The following MPHOSPH9 variants were observed in gnomAD, a reference collection of about 807,000 sequenced individuals.
MPHOSPH9 encodes the protein M-phase phosphoprotein 9.
A neutral mutation model predicts 145.5 loss-of-function variants in MPHOSPH9; 88 were observed. That is an observed-to-expected ratio of 0.60 (90% CI 0.51 to 0.72). The LOEUF (loss-of-function observed/expected upper bound fraction) is 0.72. Among genes scored for constraint, MPHOSPH9 ranks in the 30% least tolerant of loss-of-function variants. The pLI is 0.00. For missense variants in MPHOSPH9, 1,238 were observed against 1,386.6 expected (o/e 0.89, Z 1.70); for synonymous variants, 435 against 486.2 (o/e 0.89, Z 1.39).
intron 6 of MPHOSPH9, among the ~76,000 whole-genome samples, chr12:123,216,992 AAAAT>A (rs147074304): frequency 0.63 from 94,434 of 149,034 alleles, 34,325 homozygotes; most frequent in East Asian, 0.99. Context: ...CCATGTCAAA[AAAAT>A]AAATAAATAA....
intron 13 of MPHOSPH9, among the ~76,000 whole-genome samples, chr12:123,184,845 C>G (rs1435284056): frequency 6.6e-6 from 1 of 151,980 alleles, no homozygotes; most frequent in Admixed American, 6.6e-5. Flanking sequence ...ACTCTGTCAC[C>G]CAGGCTGGTG....
chr12:123,201,807 G>A (rs2046235250), intron 11 of MPHOSPH9, among the ~76,000 whole-genome samples: 1 of 152,108 alleles, frequency 6.6e-6, no homozygotes, highest in Non-Finnish European at 1.5e-5. Context: ...ATTCTCCCCT[G>A]CATATCTTTG....
intron 12 of MPHOSPH9, 85 bp from the exon 13 acceptor site, chr12:123,194,686 A>G (rs2045867136): frequency 3.1e-6 from 3 of 977,192 alleles, no homozygotes; most frequent in South Asian, 1.8e-5. Context: ...CAATGGCGCA[A>G]TCTTGGCCTA....
At chr12:123,239,776 T>C (rs1330094943) in intron 1 of MPHOSPH9, among the ~76,000 whole-genome samples, 2 of 152,150 alleles carry the variant, frequency 1.3e-5, no homozygotes, top group African/African-American at 2.4e-5. Context: ...TTTATTTTTT[T>C]TTCCCCCAGA....
At position 123,155,329 on chromosome 12, in the gene MPHOSPH9, C is replaced by T. The variant is rs1023332533; in HGVS notation, c.*1478G>A. On this transcript the variant is annotated 3_prime_UTR_variant, in exon 24 of 24. Coordinates refer to ENST00000606320, the MANE Select transcript of MPHOSPH9 (RefSeq NM_022782.4). ...TGCAGAGTAGGGAGCAAAGGTTCAACTGCACTGTCAGACAGGCCACCCTCC... is the reference window on the plus strand; with the variant it reads ...TGCAGAGTAGGGAGCAAAGGTTCAATTGCACTGTCAGACAGGCCACCCTCC... The T allele has an allele frequency of 5.9e-5, 9 of 152,370 alleles. No individual in the cohort carries two copies. The highest frequency in any genetic ancestry group is 2.6e-4 in the Admixed American group (4 of 15,300). The allele number at this position is 152,370 out of a possible 1,614,324, so 9.4% of individuals were successfully genotyped here.
rs951120867 is a variant in MPHOSPH9 at position 123,163,014 on chromosome 12, C to T, written c.3029G>A (p.Arg1010Gln). The part of the protein sequence containing the change: ...LLSKNESSPI[R>Q]FDILLDDLDT... ...TATTCTACAATTTTAGAGAACTTAC[C>T]GAATTGGACTGCTCTCATTTTTGCT... Residue 1010 changes from arginine to glutamine, a missense_variant and splice_region_variant, in exon 20 of 24, where the codon CGA (arginine) becomes CAA (glutamine). Physicochemically the swap from Arg to Gln is conservative, Grantham distance 43. This residue lies in a region of MPHOSPH9 where 393 missense variants were observed against 462.5 expected (regional missense o/e 0.85). Coordinates refer to ENST00000606320, the MANE Select transcript of MPHOSPH9 (RefSeq NM_022782.4). The T allele has an allele frequency of 2.6e-6, 4 of 1,535,704 alleles. No individual in the cohort carries two copies. Among genetic ancestry groups the T allele is most frequent in the South Asian group, 1.3e-5 (1 of 77,574 alleles).
downstream of MPHOSPH9, chr12:123,153,276 A>G (rs2043808585): frequency 6.6e-6 from 1 of 152,226 alleles, no homozygotes; most frequent in Non-Finnish European, 1.5e-5. Context: ...CTTACACGTG[A>G]CAGGTTATCA....
intron 2 of MPHOSPH9, among the ~76,000 whole-genome samples, chr12:123,228,553 T>C (rs1257586820): frequency 6.6e-6 from 1 of 151,924 alleles, no homozygotes; most frequent in African/African-American, 2.4e-5. Context: ...CCGGGTGTGG[T>C]AGTGCGTGCC....
At chr12:123,240,791 T>G (rs1383971726) in intron 1 of MPHOSPH9, 8 of 146,154 alleles carry the variant, frequency 5.5e-5, no homozygotes, top group Middle Eastern at 3.6e-3. Flanking sequence ...TGGAGTGCAG[T>G]GGCGTGATCT....
intron 13 of MPHOSPH9, among the ~76,000 whole-genome samples, chr12:123,190,688 T>C (rs908533494): frequency 2.6e-5 from 4 of 152,116 alleles, no homozygotes; most frequent in African/African-American, 9.7e-5. Flanking sequence ...ACATAAAACA[T>C]TACTAAATAT....
downstream of MPHOSPH9, chr12:123,152,628 A>G (rs2137796875): frequency 2.2e-6 from 1 of 456,172 alleles, no homozygotes; most frequent in Non-Finnish European, 4.4e-6. Flanking sequence ...TGAGGGGTCT[A>G]TGGAAATAAA....
At chr12:123,242,473 A>G (rs1036207815) in intron 1 of MPHOSPH9, among the ~76,000 whole-genome samples, 35 of 152,126 alleles carry the variant, frequency 2.3e-4, no homozygotes, top group African/African-American at 8.2e-4. Context: ...CTGAAATCCA[A>G]TTCGTATTTT....
chr12:123,238,235 T>C (rs751666365), intron 1 of MPHOSPH9, among the ~76,000 whole-genome samples: 2 of 152,076 alleles, frequency 1.3e-5, no homozygotes, highest in Non-Finnish European at 2.9e-5. Flanking sequence ...TATTAAGCAT[T>C]TGTCAGAAAA....
rs527450068 is a variant in MPHOSPH9, at chr12:123,207,560, T to C, written c.1194+2496A>G. Among the ~76,000 whole-genome samples, 6 of 152,230 alleles carry C rather than the reference T, an allele frequency of 3.9e-5. No homozygotes were observed. The East Asian group carries it at 7.7e-4, about 20-fold the overall frequency. On this transcript the variant is annotated intron_variant, in intron 8 of 23. Transcript: ENST00000606320. The stretch of plus-strand genomic sequence containing the variant: ...GTACTCTTTCATTACCTGATCAAAA[T>C]ACAGAAATGAAGGCCGGGTGCACTA...
At position 123,230,409 on chromosome 12, in the gene MPHOSPH9, C is replaced by A. The variant is rs757205190; in HGVS notation, c.-45G>T. 1 of 1,245,848 alleles carries A rather than the reference C, an allele frequency of 8.0e-7. No homozygotes were observed. Among genetic ancestry groups the A allele is most frequent in the Non-Finnish European group, 1.1e-6 (1 of 910,198 alleles). 77.2% of individuals were successfully genotyped at this position (1,245,848 alleles called of 1,614,324 possible). On this transcript the variant is annotated 5_prime_UTR_variant, in exon 2 of 24. It introduces an in-frame stop codon into an upstream open reading frame of the 5' UTR. Coordinates refer to ENST00000606320, the MANE Select transcript of MPHOSPH9 (RefSeq NM_022782.4). ...ATTCTCTTATTGGAAAATAAAGGTTCTTGGGCTGTTTGAGAAAAATGAATC... is the reference window on the plus strand; with the variant it reads ...ATTCTCTTATTGGAAAATAAAGGTTATTGGGCTGTTTGAGAAAAATGAATC...
At chr12:123,212,091 G>A (rs2046748439) in intron 7 of MPHOSPH9, among the ~76,000 whole-genome samples, 1 of 152,152 alleles carries the variant, frequency 6.6e-6, no homozygotes, top group South Asian at 2.1e-4. Flanking sequence ...GAGGCAGGAG[G>A]AGTGAGACAT....
chr12:123,239,653 T>C (rs1000981229), intron 1 of MPHOSPH9, among the ~76,000 whole-genome samples: 14 of 152,118 alleles, frequency 9.2e-5, no homozygotes, highest in Non-Finnish European at 1.6e-4. Flanking sequence ...CTGCCCGCCT[T>C]GGCCTCCCAA....
chr12:123,227,318 C>T, intron 3 of MPHOSPH9, 145 bp downstream of exon 3: 1 of 541,890 alleles, frequency 1.8e-6, no homozygotes, highest in Admixed American at 3.8e-5. Context: ...AATATCATTC[C>T]CAAATTAATA....
At chr12:123,235,989 G>A (rs1467336842), upstream of MPHOSPH9, among the ~76,000 whole-genome samples, 1 of 151,900 alleles carries the variant, frequency 6.6e-6, no homozygotes, top group Non-Finnish European at 1.5e-5. Context: ...GCTGGAACCC[G>A]GGAGGCAAAG....
Sources: allele counts gnomAD v4.1 joint callset (sites outside exome capture counted in the v4.1 genomes callset), GRCh38; gene constraint gnomAD v4.1.1; regional missense constraint gnomAD v4.1.1; transcripts MANE v1.5; gene names NCBI Gene and HGNC (gene_info 2026-07-23, HGNC 2026-07-21).